MITF: variants seen among roughly 807,000 people sequenced by gnomAD.
The protein encoded by MITF is microphthalmia-associated transcription factor.
MITF carries 17 observed loss-of-function variants against 60.5 expected under a neutral mutation model. The observed-to-expected ratio is 0.28, with a 90% CI of 0.19 to 0.42. The LOEUF (loss-of-function observed/expected upper bound fraction) is 0.42, where lower values mean the gene tolerates loss of function less well. Among genes scored for constraint, MITF ranks in the 10% least tolerant of loss-of-function variants. MITF has a pLI of 1.00. For synonymous variants in MITF, 260 were observed against 248.5 expected, an observed-to-expected ratio of 1.05 and a Z score of -0.43; for missense variants, 622 against 683.5, an observed-to-expected ratio of 0.91 and a Z score of 1.00.
At chr3:69,885,665 A>T (rs2064596950) in intron 2 of MITF, among the ~76,000 whole-genome samples, 3 of 152,100 alleles carry the variant, frequency 2.0e-5, no homozygotes, top group Non-Finnish European at 4.4e-5. Context: ...TTAAAATTTT[A>T]TGGTGATGGG....
chr3:69,769,997 A>G (rs1015689850), intron 1 of MITF, among the ~76,000 whole-genome samples: 22 of 152,202 alleles, frequency 1.4e-4, no homozygotes, highest in Non-Finnish European at 2.6e-4. Flanking sequence ...AAATCTAGCA[A>G]TGCTAGTTTG....
intron 6 of MITF, among the ~76,000 whole-genome samples, chr3:69,950,448 T>TATATATATATA (rs2066214628): frequency 7.6e-6 from 1 of 130,792 alleles, no homozygotes; most frequent in African/African-American, 2.9e-5. Context: ...AACTTCTGAG[T>TATATATATATA]TATATATATA....
chr3:69,860,597 C>CAAA (rs1039213953), intron 1 of MITF, among the ~76,000 whole-genome samples: 69 of 60,438 alleles, frequency 1.1e-3, no homozygotes, highest in Middle Eastern at 7.8e-3. Context: ...GACTCCGTCT[C>CAAA]AAAAAAAAAA....
At chr3:69,797,460 T>C (rs2062849827) in intron 1 of MITF, among the ~76,000 whole-genome samples, 1 of 152,174 alleles carries the variant, frequency 6.6e-6, no homozygotes, top group Admixed American at 6.5e-5. Flanking sequence ...CAGGAAAGAT[T>C]TTCTATTTTG....
chr3:69,817,984 G>A (rs1366894624), intron 1 of MITF, among the ~76,000 whole-genome samples: 1 of 152,130 alleles, frequency 6.6e-6, no homozygotes, highest in African/African-American at 2.4e-5. Flanking sequence ...AAACACATAT[G>A]CATTAGATAT....
chr3:69,817,054 C>G (rs1285559734), intron 1 of MITF, among the ~76,000 whole-genome samples: 2 of 151,960 alleles, frequency 1.3e-5, no homozygotes, highest in Admixed American at 1.3e-4. Flanking sequence ...GTGTGGTAGC[C>G]AGAAGAGTTG....
intron 1 of MITF, among the ~76,000 whole-genome samples, chr3:69,746,042 T>C (rs536864910): frequency 3.4e-4 from 51 of 152,200 alleles, no homozygotes; most frequent in Non-Finnish European, 4.0e-4. Context: ...GTAGACAAGA[T>C]TGAGGTGCCT....
At chr3:69,918,782 T>C (rs1469755912) in intron 2 of MITF, among the ~76,000 whole-genome samples, 1 of 152,212 alleles carries the variant, frequency 6.6e-6, no homozygotes, top group Non-Finnish European at 1.5e-5. Flanking sequence ...AGATGCTCAA[T>C]AAAAGTTAAC....
At chr3:69,781,077 T>G (rs990855701) in intron 1 of MITF, among the ~76,000 whole-genome samples, 7 of 144,754 alleles carry the variant, frequency 4.8e-5, no homozygotes, top group East Asian at 2.0e-4. Flanking sequence ...GTGAGTTTTG[T>G]TTTTTTTTTT....
At chr3:69,870,338 A>G (rs1265475986) in intron 1 of MITF, among the ~76,000 whole-genome samples, 3 of 148,498 alleles carry the variant, frequency 2.0e-5, no homozygotes, top group Admixed American at 6.7e-5. Flanking sequence ...ACACACATAC[A>G]TGTGTGTATA....
chr3:69,831,632 C>T (rs2063449451), intron 1 of MITF, among the ~76,000 whole-genome samples: 1 of 152,138 alleles, frequency 6.6e-6, no homozygotes, highest in Non-Finnish European at 1.5e-5. Flanking sequence ...TTGTAAATTT[C>T]TGAATGCTTG....
chr3:69,874,536 A>G (rs2064309886), intron 1 of MITF, among the ~76,000 whole-genome samples: 1 of 152,248 alleles, frequency 6.6e-6, no homozygotes, highest in Non-Finnish European at 1.5e-5. Context: ...AGGCAGATGT[A>G]TTGCGAAGCA....
chr3:69,828,604 A>G (rs1482150398), intron 1 of MITF, among the ~76,000 whole-genome samples: 1 of 151,878 alleles, frequency 6.6e-6, no homozygotes, highest in Non-Finnish European at 1.5e-5. Context: ...TATACAGATT[A>G]TATTATATAA....
intron 1 of MITF, among the ~76,000 whole-genome samples, chr3:69,793,506 T>TGCACCCTCTCCCAATGCTCATAGCAG (rs2062777494): frequency 6.6e-6 from 1 of 151,948 alleles, no homozygotes; most frequent in Admixed American, 6.5e-5. Flanking sequence ...GCTCATAGCA[T>TGCACCCTCTCCCAATGCTCATAGCAG]GCACCCTCTC....
chr3:69,949,199 C>A, intron 6 of MITF, 31 bp downstream of exon 6: 2 of 1,475,480 alleles, frequency 1.4e-6, no homozygotes, highest in Middle Eastern at 1.7e-4. Context: ...CCTCTTACTG[C>A]AGATTTCTGT....
chr3:69,763,800 T>G, intron 1 of MITF: 1 of 1,363,836 alleles, frequency 7.3e-7, no homozygotes. Flanking sequence ...TTGGCATTAA[T>G]CTTGGGAATT....
chr3:69,884,251 T>C (rs2107295855), intron 2 of MITF, among the ~76,000 whole-genome samples: 1 of 152,206 alleles, frequency 6.6e-6, no homozygotes, highest in South Asian at 2.1e-4. Flanking sequence ...CTGTTAACAG[T>C]TTAGGATGCA....
rs557878790 is a variant in MITF, at chr3:69,966,349, G to A, written c.*1101G>A. The stretch of plus-strand genomic sequence containing the variant: ...GGTCTTGCATTTAAAAGACAGCTTT[G>A]CGAATATTTTGTAAATTACAGTCTC... On this transcript the variant is annotated 3_prime_UTR_variant, in exon 10 of 10. Transcript: ENST00000352241. 8 of 233,012 alleles carry A rather than the reference G, an allele frequency of 3.4e-5. No individual in the cohort carries two copies. In the East Asian group the frequency reaches 3.7e-4, roughly 11 times the overall value. 14.4% of individuals were successfully genotyped at this position (233,012 alleles called of 1,614,324 possible).
chr3:69,785,849 A>G (rs2106894063), intron 1 of MITF, among the ~76,000 whole-genome samples: 1 of 152,320 alleles, frequency 6.6e-6, no homozygotes, highest in Non-Finnish European at 1.5e-5. Flanking sequence ...ATTGGGCTAG[A>G]GAAAAAGAGA....
Sources: gnomAD v4.1 joint callset for allele counts (sites outside exome capture counted in the v4.1 genomes callset) on GRCh38, gnomAD v4.1.1 for gene constraint, MANE v1.5 for transcripts, NCBI Gene and HGNC (gene_info 2026-07-23, HGNC 2026-07-21) for gene names.